Variants in TNKS observed in about 807,000 individuals in gnomAD.
The protein encoded by TNKS is poly [ADP-ribose] polymerase tankyrase-1.
Under a neutral mutation model 135.8 loss-of-function variants are expected in TNKS, and 72 were observed. The observed-to-expected ratio is 0.53, with a 90% CI of 0.44 to 0.64. The LOEUF (loss-of-function observed/expected upper bound fraction) is 0.64. Among genes scored for constraint, TNKS ranks in the 30% least tolerant of loss-of-function variants. The pLI, the probability that TNKS is intolerant of heterozygous loss-of-function variation, is 0.00. For missense variants in TNKS, 1,769 were observed against 1,674.0 expected (o/e 1.06, Z -0.99); for synonymous variants, 849 against 649.3 (o/e 1.31, Z -4.68).
intron 1 of TNKS, chr8:9,566,112 CTCT>C (rs1040710081): frequency 2.6e-5 from 4 of 152,058 alleles, no homozygotes; most frequent in Non-Finnish European, 4.4e-5. Flanking sequence ...TGCAGGTCTC[CTCT>C]TCCAAATGCT....
chr8:9,712,373 G>A (rs370399355), intron 11 of TNKS, among the ~76,000 whole-genome samples: 26 of 151,932 alleles, frequency 1.7e-4, no homozygotes, highest in Admixed American at 1.1e-3. Flanking sequence ...CTAGCGACTC[G>A]GGAGGCTGAG....
intron 20 of TNKS, among the ~76,000 whole-genome samples, chr8:9,754,995 C>A (rs1370283418): frequency 6.6e-6 from 1 of 152,156 alleles, no homozygotes; most frequent in Non-Finnish European, 1.5e-5. Context: ...AGCTGTTCTT[C>A]CCAAATCATT....
intron 3 of TNKS, among the ~76,000 whole-genome samples, chr8:9,621,136 A>G (rs545299757): frequency 6.6e-6 from 1 of 152,322 alleles, no homozygotes; most frequent in Admixed American, 6.5e-5. Context: ...TTAAAACATA[A>G]GTGCATTTTA....
At chr8:9,616,641 C>T (rs537797385) in intron 3 of TNKS, among the ~76,000 whole-genome samples, 1 of 152,254 alleles carries the variant, frequency 6.6e-6, no homozygotes, top group African/African-American at 2.4e-5. Flanking sequence ...CTTTGAAAAT[C>T]TATGGAATTT....
At chr8:9,727,083 T>G (rs1805199383) in intron 13 of TNKS, among the ~76,000 whole-genome samples, 1 of 152,212 alleles carries the variant, frequency 6.6e-6, no homozygotes, top group Admixed American at 6.5e-5. Flanking sequence ...ATGTATAAAC[T>G]AGATCGAGCC....
At chr8:9,696,428 G>A (rs1271066424) in intron 5 of TNKS, among the ~76,000 whole-genome samples, 1 of 152,010 alleles carries the variant, frequency 6.6e-6, no homozygotes, top group Non-Finnish European at 1.5e-5. Context: ...AATAACATGA[G>A]GAAGTTCTAG....
chr8:9,702,927 A>G (rs1293810791), intron 5 of TNKS, among the ~76,000 whole-genome samples: 1 of 152,260 alleles, frequency 6.6e-6, no homozygotes, highest in Non-Finnish European at 1.5e-5. Flanking sequence ...GAGACAGGAG[A>G]ATCACTTGAA....
intron 3 of TNKS, among the ~76,000 whole-genome samples, chr8:9,676,686 C>CTCTCTCTGTGTGTGTGTGTGTGTGTGTG (rs1554467464): frequency 3.4e-5 from 5 of 147,886 alleles, no homozygotes; most frequent in African/African-American, 1.0e-4. Context: ...CTCTCTCTCT[C>CTCTCTCTGTGTGTGTGTGTGTGTGTGTG]TGTGTGTGTG....
At chr8:9,769,332 T>G (rs1045949067) in intron 25 of TNKS, among the ~76,000 whole-genome samples, 6 of 152,382 alleles carry the variant, frequency 3.9e-5, no homozygotes, top group African/African-American at 1.2e-4. Flanking sequence ...TCTGTGATAC[T>G]TAACATCTGC....
At chr8:9,557,204 A>G (rs1585162534) in intron 1 of TNKS, 1 of 153,062 alleles carries the variant, frequency 6.5e-6, no homozygotes, top group South Asian at 2.1e-4. Flanking sequence ...TGATGATGGA[A>G]GAAATATAGG....
chr8:9,698,907 C>A (rs1293168711), intron 5 of TNKS, among the ~76,000 whole-genome samples: 1 of 152,044 alleles, frequency 6.6e-6, no homozygotes, highest in African/African-American at 2.4e-5. Flanking sequence ...ACCTTTTTTT[C>A]TGTTAACATT....
rs753975626 is a variant in TNKS, at chr8:9,708,474, G to A, written c.1560G>A (p.Gln520=). 14 of 1,606,500 alleles carry A rather than the reference G, an allele frequency of 8.7e-6. No homozygotes were observed. The highest frequency in any genetic ancestry group is 1.2e-5 in the Non-Finnish European group (14 of 1,176,386). Residue 520 remains glutamine (Q), a synonymous_variant, in exon 9 of 27, where the codon CAG becomes CAA. Transcript: ENST00000310430. ...ALEIINFKQP[Q]SHETALHCAV... ...AAATCATTAATTTCAAACAACCGCA[G>A]TCTCATGAAACAGCACTGGTAAGAT...
intron 5 of TNKS, among the ~76,000 whole-genome samples, chr8:9,704,356 T>G (rs1299434877): frequency 6.6e-6 from 1 of 152,180 alleles, no homozygotes; most frequent in Non-Finnish European, 1.5e-5. Flanking sequence ...CTGGTGTGTC[T>G]TCTCAGAACA....
At chr8:9,742,771 A>G (rs1056849002) in intron 17 of TNKS, among the ~76,000 whole-genome samples, 1 of 148,924 alleles carries the variant, frequency 6.7e-6, no homozygotes, top group Non-Finnish European at 1.5e-5. Context: ...ATTTATTAGT[A>G]CTCCTTAAAT....
intron 15 of TNKS, among the ~76,000 whole-genome samples, chr8:9,734,298 T>A (rs1805582907): frequency 6.6e-6 from 1 of 152,194 alleles, no homozygotes; most frequent in African/African-American, 2.4e-5. Context: ...TTCTATTTAC[T>A]TTATTTAATA....
intron 1 of TNKS, among the ~76,000 whole-genome samples, chr8:9,577,872 C>T (rs1193770409): frequency 6.6e-6 from 1 of 152,226 alleles, no homozygotes; most frequent in East Asian, 1.9e-4. Flanking sequence ...CAAGTCCCTT[C>T]TGCCTGTAAA....
chr8:9,726,057 C>G (rs560723246), intron 12 of TNKS, among the ~76,000 whole-genome samples: 1 of 152,232 alleles, frequency 6.6e-6, no homozygotes, highest in Admixed American at 6.5e-5. Flanking sequence ...TTATACTTCA[C>G]AAGATGATTC....
chr8:9,636,734 T>C (rs1448718951), intron 3 of TNKS, among the ~76,000 whole-genome samples: 1 of 152,212 alleles, frequency 6.6e-6, no homozygotes, highest in African/African-American at 2.4e-5. Flanking sequence ...GTGTTCCTAA[T>C]TGGTCAAGAG....
intron 1 of TNKS, among the ~76,000 whole-genome samples, chr8:9,563,025 T>C (rs1260533014): frequency 6.6e-6 from 1 of 152,132 alleles, no homozygotes; most frequent in Non-Finnish European, 1.5e-5. Flanking sequence ...TCTTTTTATG[T>C]ATATTGAAAC....
Sources: gnomAD v4.1 joint callset for allele counts (sites outside exome capture counted in the v4.1 genomes callset) on GRCh38, gnomAD v4.1.1 for gene constraint, MANE v1.5 for transcripts, NCBI Gene and HGNC (gene_info 2026-07-23, HGNC 2026-07-21) for gene names.